Variants in CNTNAP2 observed in about 807,000 individuals in gnomAD.
The protein encoded by CNTNAP2 is contactin-associated protein-like 2.
CNTNAP2 carries 98 observed loss-of-function variants against 155.2 expected under a neutral mutation model. The observed-to-expected ratio is 0.63, with a 90% CI of 0.54 to 0.75. The LOEUF is 0.75. CNTNAP2 is among the 30% of genes least tolerant of loss of function. CNTNAP2 has a pLI of 0.00. For missense variants in CNTNAP2, 1,727 were observed against 1,688.1 expected (o/e 1.02, Z -0.40); for synonymous variants, 651 against 631.2 (o/e 1.03, Z -0.47).
chr7:146,238,456 AGG>A (rs1799509385), intron 1 of CNTNAP2, among the ~76,000 whole-genome samples: 1 of 152,228 alleles, frequency 6.6e-6, no homozygotes, highest in South Asian at 2.1e-4. Flanking sequence ...AAGTTTGGAC[AGG>A]GAGCAAAGAA....
intron 3 of CNTNAP2, among the ~76,000 whole-genome samples, chr7:146,928,944 T>A (rs1197406608): frequency 6.6e-6 from 1 of 152,166 alleles, no homozygotes; most frequent in Admixed American, 6.5e-5. Flanking sequence ...AAGCTGGAAC[T>A]GGGTGGAGCC....
At position 146,181,105 on chromosome 7, in the gene CNTNAP2, G is replaced by A. The variant is rs116796025; in HGVS notation, c.97+64132G>A. Among the ~76,000 whole-genome samples the A allele has an allele frequency of 4.3e-3, 660 of 152,278 alleles. 2 individuals are homozygous for A. The highest frequency in any genetic ancestry group is 0.015 in the African/African-American group (619 of 41,562). On this transcript the variant is annotated intron_variant, in intron 1 of 23. Coordinates refer to ENST00000361727, the MANE Select transcript of CNTNAP2 (RefSeq NM_014141.6). ...CATGACTTCAACGTTGCATTTGAAT[G>A]CATATGCTTCTGCAAAATGTACCAT...
At chr7:147,003,635 A>G (rs1798469631) in intron 3 of CNTNAP2, among the ~76,000 whole-genome samples, 1 of 152,034 alleles carries the variant, frequency 6.6e-6, no homozygotes, top group South Asian at 2.1e-4. Context: ...GATATATATA[A>G]GATATATATA....
intron 1 of CNTNAP2, among the ~76,000 whole-genome samples, chr7:146,499,890 T>C (rs568359788): frequency 1.3e-5 from 2 of 152,248 alleles, no homozygotes; most frequent in Non-Finnish European, 2.9e-5. Flanking sequence ...AAAATTTCTT[T>C]TAGCAACATT....
intron 21 of CNTNAP2, among the ~76,000 whole-genome samples, chr7:148,383,188 C>CTTTT (rs34329815): frequency 4.3e-5 from 6 of 138,976 alleles, no homozygotes; most frequent in South Asian, 2.3e-4. Context: ...AATTCTTGTT[C>CTTTT]TTTTTTTTTT....
intron 9 of CNTNAP2, among the ~76,000 whole-genome samples, chr7:147,383,039 T>A (rs1796563182): frequency 6.6e-6 from 1 of 150,686 alleles, no homozygotes; most frequent in African/African-American, 2.5e-5. Context: ...ATAGTTTAGG[T>A]GCTTAATAAA....
chr7:146,756,334 T>C (rs139838255), intron 1 of CNTNAP2, among the ~76,000 whole-genome samples: 1 of 152,142 alleles, frequency 6.6e-6, no homozygotes, highest in East Asian at 1.9e-4. Flanking sequence ...AAAAAGAATT[T>C]TGTGTCATTT....
intron 1 of CNTNAP2, among the ~76,000 whole-genome samples, chr7:146,164,799 CTA>C (rs35481373): frequency 0.11 from 16,243 of 152,140 alleles, 1,133 homozygotes; most frequent in Non-Finnish European, 0.16. Context: ...TTCCGTTTCT[CTA>C]TGTTTCATAA....
intron 15 of CNTNAP2, among the ~76,000 whole-genome samples, chr7:148,116,832 G>C (rs1804484840): frequency 6.6e-6 from 1 of 152,162 alleles, no homozygotes; most frequent in Non-Finnish European, 1.5e-5. Context: ...GAAACTAATG[G>C]AGTGCACTTA....
chr7:147,704,865 T>A (rs999002809), intron 13 of CNTNAP2, among the ~76,000 whole-genome samples: 1 of 152,172 alleles, frequency 6.6e-6, no homozygotes, highest in Admixed American at 6.5e-5. Context: ...TAGTGTATAG[T>A]TTTTCATAAT....
intron 13 of CNTNAP2, among the ~76,000 whole-genome samples, chr7:147,792,386 TG>T (rs150852963): frequency 0.077 from 11,777 of 152,130 alleles, 539 homozygotes; most frequent in East Asian, 0.2. Flanking sequence ...TCTGTATCTA[TG>T]GATTTACCTA....
intron 21 of CNTNAP2, among the ~76,000 whole-genome samples, chr7:148,288,186 G>A (rs144245346): frequency 0.056 from 8,262 of 147,366 alleles, 321 homozygotes; most frequent in African/African-American, 0.11. Context: ...TGCAAGCTCC[G>A]CCTCCCAGCT....
intron 3 of CNTNAP2, among the ~76,000 whole-genome samples, chr7:146,970,185 G>T (rs1008096221): frequency 2.6e-5 from 4 of 152,108 alleles, no homozygotes; most frequent in African/African-American, 9.7e-5. Context: ...AAAAGCAATG[G>T]CAACAAAAGA....
intron 10 of CNTNAP2, among the ~76,000 whole-genome samples, chr7:147,422,640 A>G (rs947282800): frequency 4.6e-5 from 7 of 152,144 alleles, no homozygotes; most frequent in African/African-American, 1.7e-4. Context: ...ATTAATACTG[A>G]TACCATCTAA....
chr7:146,945,920 C>T (rs979228532), intron 3 of CNTNAP2, among the ~76,000 whole-genome samples: 1 of 152,082 alleles, frequency 6.6e-6, no homozygotes, highest in African/African-American at 2.4e-5. Flanking sequence ...AACTACTTCG[C>T]CGTTGTGCTA....
At chr7:147,343,899 A>G in intron 9 of CNTNAP2, among the ~76,000 whole-genome samples, 1 of 152,186 alleles carries the variant, frequency 6.6e-6, no homozygotes, top group East Asian at 1.9e-4. Context: ...CCAGATTTAA[A>G]GATCAAGACC....
At chr7:148,058,341 T>C (rs1803063159) in intron 15 of CNTNAP2, among the ~76,000 whole-genome samples, 1 of 152,028 alleles carries the variant, frequency 6.6e-6, no homozygotes, top group Non-Finnish European at 1.5e-5. Flanking sequence ...TTTATGCCAG[T>C]GGGGAGAAAC....
At chr7:146,839,183 C>T (rs887145111) in intron 2 of CNTNAP2, among the ~76,000 whole-genome samples, 1 of 151,650 alleles carries the variant, frequency 6.6e-6, no homozygotes, top group African/African-American at 2.4e-5. Flanking sequence ...TATATACTTC[C>T]CTGTACCTCT....
intron 1 of CNTNAP2, among the ~76,000 whole-genome samples, chr7:146,428,743 C>A (rs537536144): frequency 6.6e-6 from 1 of 152,060 alleles, no homozygotes; most frequent in East Asian, 1.9e-4. Context: ...TGCAGAAGCT[C>A]TTTAGCTTAA....
Sources: allele counts gnomAD v4.1 joint callset (sites outside exome capture counted in the v4.1 genomes callset), GRCh38; gene constraint gnomAD v4.1.1; transcripts MANE v1.5; gene names NCBI Gene and HGNC (gene_info 2026-07-23, HGNC 2026-07-21).